PYGB: variants seen among roughly 807,000 people sequenced by gnomAD.
The protein encoded by PYGB is glycogen phosphorylase B.
A neutral mutation model predicts 94.3 loss-of-function variants in PYGB; 82 were observed. The ratio of observed to expected loss-of-function variants is 0.87; its 90% CI spans 0.73 to 1.04. The LOEUF (loss-of-function observed/expected upper bound fraction) is 1.04. Among genes scored for constraint, PYGB ranks in the 50% least tolerant of loss-of-function variants. The probability of loss-of-function intolerance (pLI) is 0.00; values close to 1 mark genes in which losing one functional copy is unlikely to be tolerated. For synonymous variants in PYGB, 488 were observed against 479.1 expected (o/e 1.02, Z -0.24); for missense variants, 1,132 against 1,158.2 (o/e 0.98, Z 0.33).
intron 15 of PYGB, among the ~76,000 whole-genome samples, chr20:25,289,333 A>G (rs2088445318): frequency 6.6e-6 from 1 of 152,246 alleles, no homozygotes; most frequent in Non-Finnish European, 1.5e-5. Flanking sequence ...CGGAGTTCGA[A>G]AAAGTTTTAA....
At chr20:25,296,087 G>A (rs1158870727) in intron 19 of PYGB, among the ~76,000 whole-genome samples, 2 of 152,164 alleles carry the variant, frequency 1.3e-5, no homozygotes, top group Non-Finnish European at 2.9e-5. Context: ...TTCTTACCTG[G>A]TGCTATCCCT....
intron 2 of PYGB, among the ~76,000 whole-genome samples, chr20:25,266,252 AT>A (rs34204571): frequency 0.53 from 79,731 of 149,126 alleles, 21,856 homozygotes; most frequent in East Asian, 0.97. Context: ...AGATCAATTG[AT>A]TTTTTTTTTT....
chr20:25,254,121 A>C (rs998816359), intron 1 of PYGB, among the ~76,000 whole-genome samples: 20 of 151,648 alleles, frequency 1.3e-4, no homozygotes, highest in African/African-American at 4.6e-4. Flanking sequence ...CTTCACCCCC[A>C]AAAACGGCAG....
chr20:25,285,895 G>A (rs2088414017), intron 14 of PYGB, among the ~76,000 whole-genome samples: 1 of 152,160 alleles, frequency 6.6e-6, no homozygotes, highest in Non-Finnish European at 1.5e-5. Context: ...TCTAGTTCAT[G>A]ACTGGCTCAT....
chr20:25,274,960 C>T (rs1465018675), intron 5 of PYGB, among the ~76,000 whole-genome samples: 1 of 152,250 alleles, frequency 6.6e-6, no homozygotes, highest in East Asian at 1.9e-4. Flanking sequence ...GGGGGAAGCC[C>T]CGCTGGGCAG....
rs765170831 is a variant in PYGB, at chr20:25,290,606, G to C, written c.1953G>C (p.Val651=). The change falls in exon 16 of 20, where the codon GTG becomes GTC. Residue 651 remains valine, a synonymous_variant. Transcript: ENST00000216962. ...TGATCTTCCTGGAGAACTACCGTGT[G>C]TCCTTGGCTGAGAAAGGTAACCCTG... ...LKVIFLENYR[V]SLAEKVIPAA... 6.3e-7 allele frequency: 1 copy of C among 1,599,594 alleles called. No individual in the cohort carries two copies. The highest frequency in any genetic ancestry group is 2.3e-5 in the East Asian group (1 of 44,408).
intron 4 of PYGB, 41 bp downstream of exon 4, chr20:25,271,527 T>G: frequency 1.3e-6 from 2 of 1,572,566 alleles, no homozygotes; most frequent in Non-Finnish European, 8.8e-7. Flanking sequence ...CCAGCTCTCG[T>G]TCACACAATA....
At position 25,259,285 on chromosome 20, in the gene PYGB, A is replaced by ACCTGGGCCT; in HGVS notation, c.292_293insCCTGGGCCT (p.Asn98delinsThrTrpAlaTyr). ...ATTCTACATGGGTCGCACGCTGCAGAACACGATGGTGAACCTGGGCCTTCA... is the reference window on the plus strand; with the variant it reads ...ATTCTACATGGGTCGCACGCTGCAGACCTGGGCCTACACGATGGTGAACCTGGGCCTTCA... On this transcript the variant is annotated protein_altering_variant, in exon 2 of 20. Coordinates refer to ENST00000216962, the MANE Select transcript of PYGB (RefSeq NM_002862.4). The ACCTGGGCCT allele has an allele frequency of 6.2e-7, 1 of 1,612,772 alleles. No individual in the cohort carries two copies. Among genetic ancestry groups the ACCTGGGCCT allele is most frequent in the South Asian group, 1.1e-5 (1 of 91,046 alleles).
chr20:25,283,068 C>A, intron 12 of PYGB, 108 bp from the exon 13 acceptor site: 1 of 937,292 alleles, frequency 1.1e-6, no homozygotes, highest in South Asian at 1.5e-5. Flanking sequence ...CAAGCAGATC[C>A]CAGGGGAAAG....
intron 8 of PYGB, 126 bp downstream of exon 8, chr20:25,278,588 C>A: frequency 1.5e-6 from 2 of 1,333,430 alleles, no homozygotes; most frequent in Non-Finnish European, 2.0e-6. Flanking sequence ...CTTGGGGTCT[C>A]GTCATTCTGG....
chr20:25,266,365 AC>A (rs1442596128), intron 2 of PYGB, among the ~76,000 whole-genome samples: 1 of 152,058 alleles, frequency 6.6e-6, no homozygotes, highest in Admixed American at 6.5e-5. Context: ...ATGAAATCGA[AC>A]CCCTACCTCA....
chr20:25,283,062 C>G, intron 12 of PYGB, 114 bp from the exon 13 acceptor site: 1 of 873,138 alleles, frequency 1.1e-6, no homozygotes, highest in Non-Finnish European at 1.8e-6. Context: ...GCCGGACAAG[C>G]AGATCCCAGG....
chr20:25,271,286 C>T (rs2088264672), intron 3 of PYGB, 97 bp from the exon 4 acceptor site: 1 of 1,100,422 alleles, frequency 9.1e-7, no homozygotes, highest in African/African-American at 1.5e-5. Flanking sequence ...CAGTGTGATC[C>T]CCTCTGAATT....
chr20:25,292,376 G>A, intron 16 of PYGB, 30 bp from the exon 17 acceptor site: 1 of 1,609,828 alleles, frequency 6.2e-7, no homozygotes, highest in Non-Finnish European at 8.5e-7. Flanking sequence ...GGTCCTCACA[G>A]TGATCCCCTC....
intron 4 of PYGB, 75 bp downstream of exon 4, chr20:25,271,561 CT>C: frequency 6.7e-7 from 1 of 1,482,140 alleles, no homozygotes; most frequent in Non-Finnish European, 9.4e-7. Flanking sequence ...TGCAGTTTGT[CT>C]TTTTATACTT....
chr20:25,267,335 G>T (rs1297600848), intron 2 of PYGB, among the ~76,000 whole-genome samples: 7 of 152,162 alleles, frequency 4.6e-5, no homozygotes, highest in African/African-American at 1.7e-4. Flanking sequence ...CTGCTTTTTG[G>T]TATGATGGTT....
At position 25,295,758 on chromosome 20, in the gene PYGB, G is replaced by A. The variant is rs960219125; in HGVS notation, c.2379+88G>A. ...TCAGATTGTTTATTTCCCAAGCTGA[G>A]TAGATTCTTGGCCTGGGCCAGAGGG... is the stretch of plus-strand genomic sequence containing the variant. On this transcript the variant is annotated intron_variant, in intron 19 of 19. Transcript: ENST00000216962. The A allele has an allele frequency of 5.6e-6, 8 of 1,428,040 alleles. No individual in the cohort carries two copies. The African/African-American group carries it at 9.9e-5, about 18-fold the overall frequency. The allele number at this position is 1,428,040 out of a possible 1,614,324, so 88.5% of individuals were successfully genotyped here.
At chr20:25,275,431 G>A (rs2088302512) in intron 5 of PYGB, among the ~76,000 whole-genome samples, 1 of 152,228 alleles carries the variant, frequency 6.6e-6, no homozygotes, top group African/African-American at 2.4e-5. Context: ...GAGAACGTGG[G>A]GGCATCGGTG....
chr20:25,271,058 C>A (rs1476857963), intron 3 of PYGB, among the ~76,000 whole-genome samples: 2 of 152,130 alleles, frequency 1.3e-5, no homozygotes, highest in African/African-American at 4.8e-5. Context: ...AAGGGATTGG[C>A]GAGGCCTCAG....
Sources: gnomAD v4.1 joint callset for allele counts (sites outside exome capture counted in the v4.1 genomes callset) on GRCh38, gnomAD v4.1.1 for gene constraint, MANE v1.5 for transcripts, NCBI Gene and HGNC (gene_info 2026-07-23, HGNC 2026-07-21) for gene names.